Variants in MANBA observed in about 807,000 individuals in gnomAD.
MANBA encodes beta-mannosidase.
A neutral mutation model predicts 111.1 loss-of-function variants in MANBA; 83 were observed. The observed-to-expected ratio is 0.75, with a 90% CI of 0.63 to 0.90. MANBA has a LOEUF of 0.90. Among genes scored for constraint, MANBA ranks in the 40% least tolerant of loss-of-function variants. MANBA has a pLI of 0.00. For synonymous variants in MANBA, 370 were observed against 378.7 expected, an observed-to-expected ratio of 0.98 and a Z score of 0.27; for missense variants, 1,036 against 1,069.0, an observed-to-expected ratio of 0.97 and a Z score of 0.43.
chr4:102,686,190 A>ATGTGTGTG lies in MANBA; in HGVS notation c.960+3376_960+3383dup, dbSNP rs34832646. Reference sequence around the variant, plus strand: ...GGAAATGTGTGAAAAGAACTAGGAAATGTGTGTGTGTGTGTGTGTGTCTAC... The same window carrying ATGTGTGTG: ...GGAAATGTGTGAAAAGAACTAGGAAATGTGTGTGTGTGTGTGTGTGTGTGTGTGTCTAC... On this transcript the variant is annotated intron_variant, in intron 7 of 16. Coordinates refer to ENST00000647097, the MANE Select transcript of MANBA (RefSeq NM_005908.4). 1.7e-3 allele frequency among the ~76,000 whole-genome samples: 257 copies of ATGTGTGTG among 150,506 alleles called. 1 individual carries two copies. The highest frequency in any genetic ancestry group is 5.8e-3 in the African/African-American group (239 of 41,214).
chr4:102,631,946 A>G lies in MANBA; in HGVS notation c.*111T>C. The stretch of plus-strand genomic sequence containing the variant: ...AGCAATCGCTCAAATGCGTGGCAGC[A>G]CGCAGACATGTCTCTCGGCTTCTCT... On this transcript the variant is annotated 3_prime_UTR_variant, in exon 17 of 17. Coordinates refer to ENST00000647097, the MANE Select transcript of MANBA (RefSeq NM_005908.4). 1 of 924,544 alleles carries G rather than the reference A, an allele frequency of 1.1e-6. No homozygotes were observed. The highest frequency in any genetic ancestry group is 1.7e-6 in the Non-Finnish European group (1 of 572,992). 57.3% of individuals were successfully genotyped at this position (924,544 alleles called of 1,614,324 possible).
intron 2 of MANBA, among the ~76,000 whole-genome samples, chr4:102,726,334 C>T (rs1454301767): frequency 6.6e-6 from 1 of 152,210 alleles, no homozygotes; most frequent in East Asian, 1.9e-4. Context: ...GGAAAAATGA[C>T]TCCATAAGAC....
intron 1 of MANBA, chr4:102,727,600 T>C: frequency 6.2e-7 from 1 of 1,600,578 alleles, no homozygotes. Flanking sequence ...GCTTTTGGGC[T>C]CGGGAGACAG....
chr4:102,651,117 T>C (rs1045473984), intron 12 of MANBA, among the ~76,000 whole-genome samples: 4 of 151,982 alleles, frequency 2.6e-5, no homozygotes, highest in Non-Finnish European at 5.9e-5. Flanking sequence ...GTTAAAACTG[T>C]CACAATTCTT....
rs575851183 is a variant in MANBA at position 102,746,971 on chromosome 4, CAAA to C, written c.177+13744_177+13746del. Reference sequence around the variant, plus strand: ...TGGGTGACAGAGCGAGACTCCATCTCAAAAAAAAAAAAAAAAGAAAGAAAAAGA... The same window carrying C: ...TGGGTGACAGAGCGAGACTCCATCTCAAAAAAAAAAAAAGAAAGAAAAAGA... On this transcript the variant is annotated intron_variant, in intron 1 of 16. Transcript: ENST00000647097. Among the ~76,000 whole-genome samples, 206 of 91,882 alleles carry C rather than the reference CAAA, an allele frequency of 2.2e-3. No individual in the cohort carries two copies. In the Middle Eastern group the frequency reaches 0.028, roughly 12 times the overall value. The allele number at this position is 91,882 out of a possible 152,430, so 60.3% of individuals were successfully genotyped here.
At chr4:102,734,482 T>C in intron 1 of MANBA, 2 of 1,604,114 alleles carry the variant, frequency 1.2e-6, no homozygotes, top group South Asian at 1.1e-5. Context: ...GCCATCATCA[T>C]ACCCATTCCC....
At chr4:102,638,471 G>GT (rs35640337) in intron 14 of MANBA, among the ~76,000 whole-genome samples, 81,898 of 150,962 alleles carry the variant, frequency 0.54, 22,510 homozygotes, top group Admixed American at 0.61. Context: ...GAGTTTGAGT[G>GT]TCTTGTTTCC....
intron 1 of MANBA, among the ~76,000 whole-genome samples, chr4:102,736,755 T>C (rs1189751696): frequency 1.3e-5 from 2 of 152,146 alleles, no homozygotes; most frequent in Admixed American, 1.3e-4. Flanking sequence ...CAGAACAGCA[T>C]GTGGAGACTC....
At chr4:102,757,329 C>CAA (rs1195923041) in intron 1 of MANBA, among the ~76,000 whole-genome samples, 9 of 127,598 alleles carry the variant, frequency 7.1e-5, no homozygotes, top group African/African-American at 1.5e-4. Context: ...AACTCCGTCT[C>CAA]AAAAAAAAAA....
intron 12 of MANBA, among the ~76,000 whole-genome samples, chr4:102,651,397 T>TA (rs1343284641): frequency 6.6e-6 from 1 of 151,900 alleles, no homozygotes; most frequent in African/African-American, 2.4e-5. Flanking sequence ...CAGCTCAAAT[T>TA]AAAAAACAAA....
intron 11 of MANBA, among the ~76,000 whole-genome samples, chr4:102,661,449 A>G (rs752744321): frequency 2.6e-5 from 4 of 152,186 alleles, no homozygotes; most frequent in Non-Finnish European, 4.4e-5. Flanking sequence ...GGCAATAAGT[A>G]CTCAGTAGAT....
In MANBA at chr4:102,726,601, G is replaced by A; in HGVS notation, c.260C>T (p.Pro87Leu). The A allele has an allele frequency of 6.6e-7, 1 of 1,518,222 alleles. No individual in the cohort carries two copies. The highest frequency in any genetic ancestry group is 1.1e-5 in the South Asian group (1 of 87,872). The allele number at this position is 1,518,222 out of a possible 1,614,324, so 94.0% of individuals were successfully genotyped here. Residue 87 changes from proline (P) to leucine (L), a missense_variant, in exon 2 of 17, where the codon CCC (proline) becomes CTC (leucine). Physicochemically the swap from Pro to Leu is moderately conservative, Grantham distance 98 (BLOSUM62 -3). Coordinates refer to ENST00000647097, the MANE Select transcript of MANBA (RefSeq NM_005908.4). ...CAAACATACATACCTAATTTCAAAGGGGATTTTAAATTCTTTGCTATAGGT... is the reference window on the plus strand; with the variant it reads ...CAAACATACATACCTAATTTCAAAGAGGATTTTAAATTCTTTGCTATAGGT... ...NWTYSKEFKI[P>L]FEISKWQKVN...
chr4:102,641,090 AT>A (rs1215031899), intron 13 of MANBA, among the ~76,000 whole-genome samples: 2 of 152,240 alleles, frequency 1.3e-5, no homozygotes, highest in African/African-American at 2.4e-5. Flanking sequence ...TAGAAGAGGT[AT>A]GCAATGTTAC....
At chr4:102,734,586 C>A in intron 1 of MANBA, 1 of 1,606,662 alleles carries the variant, frequency 6.2e-7, no homozygotes, top group Non-Finnish European at 8.5e-7. Flanking sequence ...GAACAAGAGG[C>A]CCAAGAAAGA....
chr4:102,675,052 C>T (rs76160830), intron 7 of MANBA, among the ~76,000 whole-genome samples: 3,297 of 152,250 alleles, frequency 0.022, 99 homozygotes, highest in African/African-American at 0.073. Context: ...GATCTTGACA[C>T]GCGATGATCA....
chr4:102,636,596 T>C (rs2903283), intron 14 of MANBA, among the ~76,000 whole-genome samples: 83,556 of 152,000 alleles, frequency 0.55, 23,404 homozygotes, highest in African/African-American at 0.63. Context: ...CCTCCCCTAC[T>C]GCACGCACTA....
chr4:102,636,549 A>T (rs1729642495), intron 14 of MANBA, among the ~76,000 whole-genome samples: 2 of 152,216 alleles, frequency 1.3e-5, no homozygotes, highest in Non-Finnish European at 2.9e-5. Flanking sequence ...GATTGCTTTA[A>T]TATATAACCA....
chr4:102,673,174 A>C (rs1731569470), intron 8 of MANBA, among the ~76,000 whole-genome samples: 1 of 152,102 alleles, frequency 6.6e-6, no homozygotes, highest in Non-Finnish European at 1.5e-5. Context: ...TCTTTTGTTG[A>C]GATAAAAGTA....
intron 7 of MANBA, among the ~76,000 whole-genome samples, chr4:102,686,710 C>T (rs1732232070): frequency 6.6e-6 from 1 of 152,116 alleles, no homozygotes; most frequent in Admixed American, 6.6e-5. Flanking sequence ...TGTGACTCCC[C>T]ACTCAAATTG....
Sources: allele counts gnomAD v4.1 joint callset (sites outside exome capture counted in the v4.1 genomes callset), GRCh38; gene constraint gnomAD v4.1.1; transcripts MANE v1.5; gene names NCBI Gene and HGNC (gene_info 2026-07-23, HGNC 2026-07-21).